DTD1: variants seen among roughly 807,000 people sequenced by gnomAD.
DTD1 encodes the protein D-aminoacyl-tRNA deacylase 1, also known as D-tyrosyl-tRNA deacylase 1 homolog.
Under a neutral mutation model 25.6 loss-of-function variants are expected in DTD1, and 13 were observed. The ratio of observed to expected loss-of-function variants is 0.51; its 90% CI spans 0.33 to 0.81. DTD1 has a LOEUF of 0.81. Ranked by LOEUF, DTD1 falls within the 30% of genes least tolerant of loss-of-function variation. The pLI, the probability that DTD1 is intolerant of heterozygous loss-of-function variation, is 0.02. For synonymous variants in DTD1, 110 were observed against 103.6 expected, an observed-to-expected ratio of 1.06 and a Z score of -0.37; for missense variants, 193 against 266.4, an observed-to-expected ratio of 0.72 and a Z score of 1.92.
Position 18,628,212 on chromosome 20 carries a change from T to G in DTD1, c.456T>G (p.Thr152=). The G allele has an allele frequency of 6.2e-7, 1 of 1,613,694 alleles. No homozygotes were observed. Among genetic ancestry groups the G allele is most frequent in the Non-Finnish European group, 8.5e-7 (1 of 1,179,688 alleles). ...TIELESPAPG[T]ATSDPKQLSK... ...AGCTGGAATCGCCAGCTCCCGGCAC[T>G]GCTACCTCTGACCCAAAGCAGGTAA... Residue 152 remains threonine (T), a synonymous_variant, in exon 4 of 6, where the codon ACT becomes ACG. Coordinates refer to ENST00000377452, the MANE Select transcript of DTD1 (RefSeq NM_080820.6).
intron 4 of DTD1, among the ~76,000 whole-genome samples, chr20:18,713,683 CT>C (rs1188896685): frequency 1.3e-5 from 2 of 152,316 alleles, no homozygotes; most frequent in African/African-American, 4.8e-5. Flanking sequence ...CCTGGACATT[CT>C]TTTACTTACC....
intron 4 of DTD1, among the ~76,000 whole-genome samples, chr20:18,646,905 A>T (rs1396995041): frequency 2.6e-5 from 4 of 152,204 alleles, no homozygotes; most frequent in African/African-American, 9.7e-5. Flanking sequence ...ATGCATGTTA[A>T]TGAGCCATAT....
chr20:18,761,683 T>G (rs999193791), intron 5 of DTD1, among the ~76,000 whole-genome samples: 3 of 152,224 alleles, frequency 2.0e-5, no homozygotes, highest in African/African-American at 4.8e-5. Flanking sequence ...AAAGCTCATC[T>G]TAAGTTCAAA....
intron 4 of DTD1, among the ~76,000 whole-genome samples, chr20:18,714,893 A>T (rs1182715276): frequency 6.6e-6 from 1 of 152,208 alleles, no homozygotes; most frequent in Non-Finnish European, 1.5e-5. Flanking sequence ...CTGCCCCTTC[A>T]GCCAAACGCC....
At chr20:18,721,539 T>G (rs1233992809) in intron 4 of DTD1, among the ~76,000 whole-genome samples, 7 of 152,214 alleles carry the variant, frequency 4.6e-5, no homozygotes, top group Admixed American at 4.6e-4. Flanking sequence ...TATCTAGTTT[T>G]GTAATTGAAT....
intron 4 of DTD1, chr20:18,678,874 T>G (rs1379865162): frequency 6.6e-6 from 1 of 152,206 alleles, no homozygotes; most frequent in Non-Finnish European, 1.5e-5. Flanking sequence ...GTCGTAGGCT[T>G]AGAATCAGTA....
chr20:18,618,056 A>G (rs960593440), intron 3 of DTD1, among the ~76,000 whole-genome samples: 7 of 152,222 alleles, frequency 4.6e-5, no homozygotes, highest in Non-Finnish European at 1.0e-4. Flanking sequence ...ACATTTGTAC[A>G]TATGCCACTT....
At chr20:18,715,189 C>T (rs747252421) in intron 4 of DTD1, among the ~76,000 whole-genome samples, 8 of 152,162 alleles carry the variant, frequency 5.3e-5, no homozygotes, top group Non-Finnish European at 1.2e-4. Flanking sequence ...TCCCCTCCCC[C>T]ACTCCATTTC....
intron 4 of DTD1, among the ~76,000 whole-genome samples, chr20:18,716,895 C>A (rs2061183191): frequency 6.7e-6 from 1 of 149,442 alleles, no homozygotes; most frequent in South Asian, 2.1e-4. Context: ...CATGAATTTT[C>A]TTTTTTTTTT....
chr20:18,662,690 T>C (rs1847795831), intron 4 of DTD1, among the ~76,000 whole-genome samples: 1 of 152,126 alleles, frequency 6.6e-6, no homozygotes. Context: ...TTGACCTATA[T>C]CCTATGTGTA....
intron 4 of DTD1, among the ~76,000 whole-genome samples, chr20:18,663,399 G>A (rs550037438): frequency 1.3e-5 from 2 of 151,912 alleles, no homozygotes; most frequent in African/African-American, 2.4e-5. Flanking sequence ...AGGTTATTAA[G>A]TACTTTGATC....
chr20:18,642,426 A>ATTTAT, intron 4 of DTD1, among the ~76,000 whole-genome samples: 4 of 151,686 alleles, frequency 2.6e-5, no homozygotes, highest in African/African-American at 9.7e-5. Context: ...AGTTCTTTTT[A>ATTTAT]TTTATTTTAT....
At chr20:18,646,313 C>A (rs2060850239) in intron 4 of DTD1, among the ~76,000 whole-genome samples, 1 of 152,130 alleles carries the variant, frequency 6.6e-6, no homozygotes, top group Non-Finnish European at 1.5e-5. Context: ...CAGATGCCTG[C>A]TGCTGTGCAC....
intron 4 of DTD1, among the ~76,000 whole-genome samples, chr20:18,679,973 C>T (rs1010955948): frequency 5.9e-5 from 9 of 152,150 alleles, no homozygotes; most frequent in African/African-American, 2.2e-4. Context: ...CCTCAGAAGT[C>T]TCTGATCCAG....
intron 4 of DTD1, among the ~76,000 whole-genome samples, chr20:18,706,121 G>A (rs191280286): frequency 2.6e-5 from 4 of 152,318 alleles, no homozygotes; most frequent in Admixed American, 1.3e-4. Flanking sequence ...TTGTTGGTTC[G>A]TTGCCAAAGA....
intron 4 of DTD1, among the ~76,000 whole-genome samples, chr20:18,708,146 T>C (rs2061133760): frequency 1.9e-5 from 2 of 106,928 alleles, no homozygotes; most frequent in Non-Finnish European, 3.9e-5. Context: ...GTAAAATAGC[T>C]AATTATTAAC....
At chr20:18,689,241 AC>A (rs2061032059) in intron 4 of DTD1, among the ~76,000 whole-genome samples, 2 of 152,146 alleles carry the variant, frequency 1.3e-5, no homozygotes, top group South Asian at 2.1e-4. Flanking sequence ...GTGAACAGAT[AC>A]AGTTGAGAGG....
At chr20:18,738,250 T>G (rs963565412) in intron 4 of DTD1, among the ~76,000 whole-genome samples, 1 of 152,116 alleles carries the variant, frequency 6.6e-6, no homozygotes, top group African/African-American at 2.4e-5. Context: ...CTGGGTGTGG[T>G]CCCCCTCAGC....
chr20:18,730,508 T>G (rs761041369), intron 4 of DTD1, among the ~76,000 whole-genome samples: 5 of 152,214 alleles, frequency 3.3e-5, no homozygotes, highest in Non-Finnish European at 5.9e-5. Flanking sequence ...GAATCATAAG[T>G]TATATCTTAT....
Sources: allele counts gnomAD v4.1 joint callset (sites outside exome capture counted in the v4.1 genomes callset), GRCh38; gene constraint gnomAD v4.1.1; transcripts MANE v1.5; gene names NCBI Gene and HGNC (gene_info 2026-07-23, HGNC 2026-07-21).